Variants in AK8 observed in about 807,000 individuals in gnomAD.
The protein encoded by AK8 is ATP-AMP transphosphorylase 8.
In AK8, 44 loss-of-function variants were observed where a neutral mutation model predicts 54.6. The observed-to-expected ratio is 0.81, with a 90% CI of 0.63 to 1.04. The LOEUF (loss-of-function observed/expected upper bound fraction) is 1.04, where lower values mean the gene tolerates loss of function less well. AK8 is among the 50% of genes least tolerant of loss of function. The pLI, the probability that AK8 is intolerant of heterozygous loss-of-function variation, is 0.00. For synonymous variants in AK8, 239 were observed against 245.6 expected (o/e 0.97, Z 0.25); for missense variants, 555 against 613.6 (o/e 0.90, Z 1.01).
intron 11 of AK8, among the ~76,000 whole-genome samples, chr9:132,736,181 T>C (rs909817091): frequency 2.1e-5 from 3 of 141,262 alleles, no homozygotes; most frequent in Admixed American, 8.0e-5. Context: ...GAAATACTAT[T>C]CAGTCTTTTT....
chr9:132,861,297 A>AGCC (rs369897592), intron 4 of AK8: 1 of 152,344 alleles, frequency 6.6e-6, no homozygotes, highest in African/African-American at 2.4e-5. Flanking sequence ...TAAATCTTGC[A>AGCC]GCCTGTACCC....
intron 11 of AK8, among the ~76,000 whole-genome samples, chr9:132,758,894 C>T (rs1590205982): frequency 1.3e-5 from 2 of 152,162 alleles, no homozygotes; most frequent in African/African-American, 4.8e-5. Flanking sequence ...ATAAAATTCA[C>T]TTATTTACAG....
At chr9:132,823,382 C>G (rs769380444) in intron 8 of AK8, 46 bp from the exon 9 acceptor site, 2 of 1,611,040 alleles carry the variant, frequency 1.2e-6, no homozygotes, top group African/African-American at 1.3e-5. Flanking sequence ...TCCTAGAGAA[C>G]AGGAAACCCG....
intron 10 of AK8, among the ~76,000 whole-genome samples, chr9:132,812,685 C>T (rs1182510014): frequency 6.6e-6 from 1 of 152,194 alleles, no homozygotes; most frequent in East Asian, 1.9e-4. Flanking sequence ...ATCCTGCCAC[C>T]CGGAAGCCTG....
intron 4 of AK8, among the ~76,000 whole-genome samples, chr9:132,857,475 G>A (rs1435261041): frequency 6.6e-6 from 1 of 152,088 alleles, no homozygotes; most frequent in Admixed American, 6.5e-5. Flanking sequence ...GCAAGGGAAG[G>A]GGTGGACAGG....
intron 5 of AK8, among the ~76,000 whole-genome samples, chr9:132,835,817 G>A (rs1199049294): frequency 1.3e-5 from 2 of 152,018 alleles, no homozygotes; most frequent in South Asian, 2.1e-4. Flanking sequence ...GCGAGACCCC[G>A]CTTCTACAAA....
At chr9:132,869,588 C>T (rs888451403) in intron 2 of AK8, among the ~76,000 whole-genome samples, 5 of 152,246 alleles carry the variant, frequency 3.3e-5, no homozygotes, top group African/African-American at 9.6e-5. Flanking sequence ...GGGTGGGAGC[C>T]AGGGCGGGCA....
At chr9:132,797,584 G>A (rs1056618811) in intron 10 of AK8, among the ~76,000 whole-genome samples, 2 of 146,000 alleles carry the variant, frequency 1.4e-5, no homozygotes, top group African/African-American at 5.1e-5. Context: ...AGGGGAGGGT[G>A]GTTCTAGATG....
At chr9:132,755,768 ATT>A (rs5900991) in intron 11 of AK8, among the ~76,000 whole-genome samples, 150 of 143,676 alleles carry the variant, frequency 1.0e-3, no homozygotes, top group Admixed American at 1.2e-3. Flanking sequence ...CAACTCTCAG[ATT>A]TTTTTTTTTT....
chr9:132,832,013 G>A (rs1013487382), intron 5 of AK8, among the ~76,000 whole-genome samples: 1 of 128,900 alleles, frequency 7.8e-6, no homozygotes, highest in African/African-American at 2.9e-5. Flanking sequence ...AGTGAGCTAC[G>A]ATCGTGCTAT....
At chr9:132,783,173 C>G (rs116725119) in intron 11 of AK8, among the ~76,000 whole-genome samples, 2 of 152,134 alleles carry the variant, frequency 1.3e-5, no homozygotes, top group African/African-American at 4.8e-5. Flanking sequence ...GACCCTTTCC[C>G]GGCGCTGGTC....
intron 10 of AK8, among the ~76,000 whole-genome samples, chr9:132,812,557 C>CGCGCCCACTGGGATGATGGGTGAGCCGCT (rs1383553073): frequency 7.1e-6 from 1 of 141,108 alleles, no homozygotes; most frequent in Non-Finnish European, 1.6e-5. Flanking sequence ...GGTGAGCCGC[C>CGCGCCCACTGGGATGATGGGTGAGCCGCT]GCGCCCGGCC....
chr9:132,805,672 G>C (rs541676565), intron 10 of AK8, among the ~76,000 whole-genome samples: 2 of 152,124 alleles, frequency 1.3e-5, no homozygotes, highest in Non-Finnish European at 2.9e-5. Context: ...CAAACCTGTT[G>C]ATAAGCAAAG....
At chr9:132,836,216 G>C (rs1291362695) in intron 5 of AK8, among the ~76,000 whole-genome samples, 1 of 152,212 alleles carries the variant, frequency 6.6e-6, no homozygotes, top group East Asian at 1.9e-4. Context: ...TTGAGTCCGG[G>C]AGTTCGAGGC....
intron 5 of AK8, among the ~76,000 whole-genome samples, chr9:132,842,603 C>T (rs1842589728): frequency 6.6e-6 from 1 of 152,238 alleles, no homozygotes; most frequent in Non-Finnish European, 1.5e-5. Context: ...ACTGTGTATT[C>T]CTTTTCCACT....
At chr9:132,784,855 C>T (rs1264203963) in intron 11 of AK8, among the ~76,000 whole-genome samples, 1 of 152,004 alleles carries the variant, frequency 6.6e-6, no homozygotes, top group South Asian at 2.1e-4. Flanking sequence ...AATATATAAA[C>T]AACTGGTGTT....
intron 11 of AK8, among the ~76,000 whole-genome samples, chr9:132,744,841 A>G (rs1837562100): frequency 6.6e-6 from 1 of 152,244 alleles, no homozygotes; most frequent in African/African-American, 2.4e-5. Context: ...TGAAATATTC[A>G]TGGGGACAGA....
intron 11 of AK8, among the ~76,000 whole-genome samples, chr9:132,784,548 GAAGA>G (rs1250694577): frequency 6.6e-6 from 1 of 151,654 alleles, no homozygotes; most frequent in Non-Finnish European, 1.5e-5. Flanking sequence ...GGGAAGGAAG[GAAGA>G]GAGAAAGAAA....
intron 10 of AK8, among the ~76,000 whole-genome samples, chr9:132,812,397 A>ATT (rs528321058): frequency 0.087 from 12,574 of 144,052 alleles, 608 homozygotes; most frequent in Admixed American, 0.14. Flanking sequence ...CACGTGGCTA[A>ATT]TTTTTTTTTT....
Sources: allele counts gnomAD v4.1 joint callset (sites outside exome capture counted in the v4.1 genomes callset), GRCh38; gene constraint gnomAD v4.1.1; transcripts MANE v1.5; gene names NCBI Gene and HGNC (gene_info 2026-07-23, HGNC 2026-07-21).